Variants in PGR observed in about 807,000 individuals in gnomAD.
PGR encodes the protein nuclear receptor subfamily 3 group C member 3.
A neutral mutation model predicts 76.1 loss-of-function variants in PGR; 25 were observed. That is an observed-to-expected ratio of 0.33 (90% CI 0.24 to 0.46). The LOEUF (loss-of-function observed/expected upper bound fraction) is 0.46, where lower values mean the gene tolerates loss of function less well. Ranked by LOEUF, PGR falls within the 20% of genes least tolerant of loss-of-function variation. PGR has a pLI of 1.00. For missense variants in PGR, 1,172 were observed against 1,225.3 expected (o/e 0.96, Z 0.65); for synonymous variants, 579 against 535.0 (o/e 1.08, Z -1.14).
intron 2 of PGR, among the ~76,000 whole-genome samples, chr11:101,119,059 G>A (rs1024722316): frequency 3.9e-5 from 6 of 152,088 alleles, no homozygotes; most frequent in African/African-American, 7.2e-5. Flanking sequence ...TAAGAAGTGC[G>A]CAACCTAGAT....
chr11:101,090,680 C>A (rs1036764658), intron 3 of PGR, among the ~76,000 whole-genome samples: 2 of 152,200 alleles, frequency 1.3e-5, no homozygotes, highest in African/African-American at 4.8e-5. Flanking sequence ...CCTCCTTAAG[C>A]CAGGCACTAC....
At chr11:101,090,773 A>G (rs1267847474) in intron 3 of PGR, among the ~76,000 whole-genome samples, 3 of 152,220 alleles carry the variant, frequency 2.0e-5, no homozygotes, top group Non-Finnish European at 2.9e-5. Context: ...ATCTAATTAC[A>G]TGAATTACTG....
rs576649414 is a variant in PGR, at chr11:101,055,402, G to A, written c.2213-3834C>T. On this transcript the variant is annotated intron_variant, in intron 4 of 7. Transcript: ENST00000325455. ...CTGCACTCCAGCCTGGTGACACAGCGAGACTCCATCTCAAAAAAAAAAAAA... is the reference window on the plus strand; with the variant it reads ...CTGCACTCCAGCCTGGTGACACAGCAAGACTCCATCTCAAAAAAAAAAAAA... Among the ~76,000 whole-genome samples, 8 of 101,974 alleles carry A rather than the reference G, an allele frequency of 7.8e-5. No homozygotes were observed. The East Asian group carries it at 9.9e-4, about 13-fold the overall frequency. 66.9% of individuals were successfully genotyped at this position (101,974 alleles called of 152,430 possible).
At chr11:101,063,944 C>T (rs372588922) in intron 3 of PGR, 1 of 152,192 alleles carries the variant, frequency 6.6e-6, no homozygotes, top group Non-Finnish European at 1.5e-5. Flanking sequence ...ACTCTAGCTA[C>T]TTATTTACCT....
In PGR at chr11:101,038,817, C is replaced by T. The variant is rs11571272; in HGVS notation, c.*299G>A. The T allele has an allele frequency of 6.8e-3, 1,771 of 260,802 alleles. 34 individuals are homozygous for T. The highest frequency in any genetic ancestry group is 0.036 in the African/African-American group (1,642 of 45,348). 16.2% of individuals were successfully genotyped at this position (260,802 alleles called of 1,614,324 possible). A position where few individuals can be genotyped will look rare whatever the true frequency, so the allele number is the denominator to read the frequency against. On this transcript the variant is annotated 3_prime_UTR_variant, in exon 8 of 8. Transcript: ENST00000325455. ...TTGTTAGATGCAAAAGTTAAAAATCCTCACCTACATGGTATGAAATAATAT... is the reference window on the plus strand; with the variant it reads ...TTGTTAGATGCAAAAGTTAAAAATCTTCACCTACATGGTATGAAATAATAT...
chr11:101,100,260 T>C (rs748928512), intron 2 of PGR, among the ~76,000 whole-genome samples: 19 of 152,166 alleles, frequency 1.2e-4, no homozygotes, highest in Non-Finnish European at 2.2e-4. Flanking sequence ...CTGATGGTTT[T>C]ATAAGAGTCT....
At chr11:101,049,809 C>T in intron 6 of PGR, 120 bp downstream of exon 6, 1 of 771,400 alleles carries the variant, frequency 1.3e-6, no homozygotes, top group Non-Finnish European at 2.1e-6. Context: ...GGTATTTCTT[C>T]TTTATACTTA....
intron 6 of PGR, among the ~76,000 whole-genome samples, chr11:101,048,755 T>G (rs1859981093): frequency 6.6e-6 from 1 of 152,202 alleles, no homozygotes; most frequent in African/African-American, 2.4e-5. Context: ...CACTGTACAC[T>G]TAGGCTACAC....
chr11:101,098,504 C>A (rs1057288462), intron 2 of PGR, among the ~76,000 whole-genome samples: 2 of 152,030 alleles, frequency 1.3e-5, no homozygotes, highest in African/African-American at 4.8e-5. Flanking sequence ...CATATGAGGG[C>A]AATCTTTCTA....
intron 3 of PGR, among the ~76,000 whole-genome samples, chr11:101,081,253 C>A (rs575812359): frequency 6.6e-6 from 1 of 152,016 alleles, no homozygotes; most frequent in South Asian, 2.1e-4. Context: ...GACGGTGAAA[C>A]CCTGACTCTA....
rs998852861 is a variant in PGR, at chr11:101,032,618, C to T, written c.*6498G>A. 18 of 225,572 alleles carry T rather than the reference C, an allele frequency of 8.0e-5. No homozygotes were observed. The highest frequency in any genetic ancestry group is 5.1e-4 in the Admixed American group (9 of 17,488). The allele number at this position is 225,572 out of a possible 1,614,324, so 14.0% of individuals were successfully genotyped here. On this transcript the variant is annotated 3_prime_UTR_variant, in exon 8 of 8. Coordinates refer to ENST00000325455, the MANE Select transcript of PGR (RefSeq NM_000926.4). ...GCCTTTGGCATCTCCTCACCACGCA[C>T]GTTCTGCTAATTCCTAAACTGCTTA...
intron 3 of PGR, among the ~76,000 whole-genome samples, chr11:101,083,884 TAA>T (rs1861399979): frequency 6.6e-6 from 1 of 152,288 alleles, no homozygotes; most frequent in South Asian, 2.1e-4. Context: ...TGGAATGAGT[TAA>T]GACTTTGGGG....
intron 2 of PGR, among the ~76,000 whole-genome samples, chr11:101,112,057 C>T (rs1214593752): frequency 6.6e-6 from 1 of 152,122 alleles, no homozygotes; most frequent in Non-Finnish European, 1.5e-5. Flanking sequence ...TTGTCAAATG[C>T]TACCAATGAG....
At position 101,112,021 on chromosome 11, in the gene PGR, T is replaced by A. The variant is rs923755987; in HGVS notation, c.1789+13986A>T. On this transcript the variant is annotated intron_variant, in intron 2 of 7. Coordinates refer to ENST00000325455, the MANE Select transcript of PGR (RefSeq NM_000926.4). The stretch of plus-strand genomic sequence containing the variant: ...TGTCTTGAAAACCAAGCGAATAAAG[T>A]ATTTGCAGGAAGGTGGAGTGATCAA... Among the ~76,000 whole-genome samples the A allele has an allele frequency of 7.2e-5, 11 of 152,196 alleles. No homozygotes were observed. The East Asian group carries it at 1.5e-3, about 21-fold the overall frequency.
chr11:101,038,534 G>A lies in PGR; in HGVS notation c.*582C>T, dbSNP rs1233562856. 4.4e-6 allele frequency: 1 copy of A among 229,198 alleles called. No homozygotes were observed. The highest frequency in any genetic ancestry group is 8.6e-6 in the Non-Finnish European group (1 of 115,722). 14.2% of individuals were successfully genotyped at this position (229,198 alleles called of 1,614,324 possible). A position where few individuals can be genotyped will look rare whatever the true frequency, so the allele number is the denominator to read the frequency against. ...GGAAAATGGTCTTAACATATGAGTTGTTTTGCCTAGTTTGAAGAACATCAA... is the reference window on the plus strand; with the variant it reads ...GGAAAATGGTCTTAACATATGAGTTATTTTGCCTAGTTTGAAGAACATCAA... On this transcript the variant is annotated 3_prime_UTR_variant, in exon 8 of 8. Transcript: ENST00000325455.
chr11:101,035,235 G>GA lies in PGR; in HGVS notation c.*3880dup, dbSNP rs934969377. 1.0e-4 allele frequency: 23 copies of GA among 222,344 alleles called. 2 individuals are homozygous for GA. Among genetic ancestry groups the GA allele is most frequent in the Middle Eastern group, 2.7e-3 (2 of 738 alleles). The allele number at this position is 222,344 out of a possible 1,614,324, so 13.8% of individuals were successfully genotyped here. ...ACAAAAATAGAGTATCTTTAAATTTGAAAAAAAATGTATGTTTTGGCAAGT... is the reference window on the plus strand; with the variant it reads ...ACAAAAATAGAGTATCTTTAAATTTGAAAAAAAAATGTATGTTTTGGCAAGT... On this transcript the variant is annotated 3_prime_UTR_variant, in exon 8 of 8. Transcript: ENST00000325455.
At chr11:101,100,770 G>A (rs1293769850) in intron 2 of PGR, among the ~76,000 whole-genome samples, 4 of 151,984 alleles carry the variant, frequency 2.6e-5, no homozygotes, top group African/African-American at 4.8e-5. Context: ...GACAATTTTG[G>A]TTTATGCAAC....
chr11:101,125,172 A>C (rs1305197107), intron 2 of PGR, among the ~76,000 whole-genome samples: 3 of 152,158 alleles, frequency 2.0e-5, no homozygotes, highest in African/African-American at 7.2e-5. Context: ...TTAAAATATG[A>C]AATCTTTCAA....
At chr11:101,095,388 A>C (rs752368916) in intron 2 of PGR, among the ~76,000 whole-genome samples, 8 of 152,214 alleles carry the variant, frequency 5.3e-5, no homozygotes, top group Admixed American at 5.2e-4. Context: ...ATCCACAAAT[A>C]AAAATAATAA....
Sources: allele counts gnomAD v4.1 joint callset (sites outside exome capture counted in the v4.1 genomes callset), GRCh38; gene constraint gnomAD v4.1.1; transcripts MANE v1.5; gene names NCBI Gene and HGNC (gene_info 2026-07-23, HGNC 2026-07-21).